The following MDGA2 variants were observed in gnomAD, a reference collection of about 807,000 sequenced individuals.
MDGA2 encodes MAM domain-containing glycosylphosphatidylinositol anchor protein 2.
A neutral mutation model predicts 117.8 loss-of-function variants in MDGA2; 40 were observed. The ratio of observed to expected loss-of-function variants is 0.34; its 90% CI spans 0.26 to 0.44. MDGA2 has a LOEUF of 0.44. Ranked by LOEUF, MDGA2 falls within the 20% of genes least tolerant of loss-of-function variation. The probability of loss-of-function intolerance (pLI) is 1.00; values close to 1 mark genes in which losing one functional copy is unlikely to be tolerated. For missense variants in MDGA2, 1,123 were observed against 1,250.6 expected, an observed-to-expected ratio of 0.90 and a Z score of 1.54; for synonymous variants, 452 against 439.0, an observed-to-expected ratio of 1.03 and a Z score of -0.37.
chr14:47,359,171 C>T (rs773944463), intron 1 of MDGA2, among the ~76,000 whole-genome samples: 3 of 152,056 alleles, frequency 2.0e-5, no homozygotes, highest in Admixed American at 6.6e-5. Flanking sequence ...CTAGCCAACA[C>T]GGTGAAACCC....
chr14:46,983,016 A>G (rs910902653), intron 8 of MDGA2, among the ~76,000 whole-genome samples: 2 of 152,118 alleles, frequency 1.3e-5, no homozygotes, highest in African/African-American at 4.8e-5. Flanking sequence ...TTTAGCATGA[A>G]GGGTTGTTGA....
chr14:47,336,117 C>T (rs946365702), intron 1 of MDGA2, among the ~76,000 whole-genome samples: 1 of 151,720 alleles, frequency 6.6e-6, no homozygotes, highest in African/African-American at 2.4e-5. Context: ...CTAACTCATA[C>T]AAGAAAAAGT....
At chr14:47,650,311 A>G (rs944963487) in intron 1 of MDGA2, among the ~76,000 whole-genome samples, 1 of 152,154 alleles carries the variant, frequency 6.6e-6, no homozygotes, top group Non-Finnish European at 1.5e-5. Flanking sequence ...ATCAGCCCCC[A>G]TAATCATGTG....
At chr14:46,873,801 A>G in intron 13 of MDGA2, 1 of 583,118 alleles carries the variant, frequency 1.7e-6, no homozygotes, top group Non-Finnish European at 2.7e-6. Flanking sequence ...AAAATGTATA[A>G]AAAGTTGAAA....
intron 2 of MDGA2, among the ~76,000 whole-genome samples, chr14:47,267,615 T>G (rs1479142974): frequency 6.6e-6 from 1 of 152,192 alleles, no homozygotes; most frequent in African/African-American, 2.4e-5. Context: ...TATGCATATC[T>G]GAACAATATC....
At chr14:47,375,201 G>GA (rs34274638) in intron 1 of MDGA2, among the ~76,000 whole-genome samples, 37,626 of 143,468 alleles carry the variant, frequency 0.26, 4,841 homozygotes, top group South Asian at 0.42. Flanking sequence ...TGCCTCTTAG[G>GA]AAAAAAAAAA....
intron 8 of MDGA2, among the ~76,000 whole-genome samples, chr14:47,016,273 A>T (rs12879334): frequency 6.6e-6 from 1 of 152,064 alleles, no homozygotes; most frequent in South Asian, 2.1e-4. Context: ...TGCTCTGAAG[A>T]GTAACAGTAA....
intron 3 of MDGA2, among the ~76,000 whole-genome samples, chr14:47,212,265 C>T (rs1328161340): frequency 6.6e-6 from 1 of 152,006 alleles, no homozygotes; most frequent in Non-Finnish European, 1.5e-5. Flanking sequence ...AAAGGAATGC[C>T]AATTCTTATG....
chr14:47,369,595 G>T (rs1190136166), intron 1 of MDGA2, among the ~76,000 whole-genome samples: 1 of 152,022 alleles, frequency 6.6e-6, no homozygotes, highest in Non-Finnish European at 1.5e-5. Flanking sequence ...CCAACAAAAA[G>T]ATGTTCTCAT....
At chr14:47,242,688 T>A (rs533702692) in intron 2 of MDGA2, among the ~76,000 whole-genome samples, 2 of 151,818 alleles carry the variant, frequency 1.3e-5, no homozygotes, top group South Asian at 4.2e-4. Context: ...CGCAGGGCAG[T>A]GCTCGGGACC....
intron 1 of MDGA2, among the ~76,000 whole-genome samples, chr14:47,652,829 T>A (rs1260542367): frequency 6.6e-6 from 1 of 152,144 alleles, no homozygotes; most frequent in African/African-American, 2.4e-5. Context: ...AACATATCAC[T>A]TTTAATTTTT....
At chr14:46,857,984 T>C (rs1050042383) in intron 14 of MDGA2, among the ~76,000 whole-genome samples, 22 of 152,110 alleles carry the variant, frequency 1.4e-4, no homozygotes, top group African/African-American at 5.3e-4. Context: ...TTCTGCCACA[T>C]GTCTCTTTCC....
At chr14:47,312,294 T>C (rs1889660512) in intron 1 of MDGA2, among the ~76,000 whole-genome samples, 1 of 152,114 alleles carries the variant, frequency 6.6e-6, no homozygotes, top group South Asian at 2.1e-4. Context: ...CCTTCTTATA[T>C]CTGCCATCTT....
intron 1 of MDGA2, among the ~76,000 whole-genome samples, chr14:47,472,103 A>AG (rs1182974191): frequency 6.6e-6 from 1 of 152,218 alleles, no homozygotes; most frequent in African/African-American, 2.4e-5. Context: ...AGAAAAAGGG[A>AG]GAAAAAGTAT....
At chr14:47,147,864 G>A (rs910294536) in intron 3 of MDGA2, among the ~76,000 whole-genome samples, 2 of 152,008 alleles carry the variant, frequency 1.3e-5, no homozygotes, top group Admixed American at 6.6e-5. Context: ...CTCACCCTGC[G>A]CTAGTACATT....
chr14:46,841,888 G>T lies in MDGA2; in HGVS notation c.*43C>A. ...CCATTTACAAAGACTCTTTCTTCAT[G>T]CCAGTGCCTGGTGAATCTTTTATAG... On this transcript the variant is annotated 3_prime_UTR_variant, in exon 17 of 17. Coordinates refer to ENST00000399232, the MANE Select transcript of MDGA2 (RefSeq NM_001113498.3). 1 of 1,302,102 alleles carries T rather than the reference G, an allele frequency of 7.7e-7. No individual in the cohort carries two copies. Among genetic ancestry groups the T allele is most frequent in the Non-Finnish European group, 1.1e-6 (1 of 912,454 alleles). The allele number at this position is 1,302,102 out of a possible 1,614,324, so 80.7% of individuals were successfully genotyped here.
chr14:47,642,290 G>A (rs1897441742), intron 1 of MDGA2, among the ~76,000 whole-genome samples: 2 of 152,016 alleles, frequency 1.3e-5, no homozygotes, highest in Non-Finnish European at 2.9e-5. Context: ...AACTGAATCA[G>A]TATTCCCAAG....
intron 15 of MDGA2, among the ~76,000 whole-genome samples, chr14:46,850,213 T>C (rs1222926168): frequency 6.6e-6 from 1 of 151,904 alleles, no homozygotes; most frequent in Non-Finnish European, 1.5e-5. Context: ...GTTTCATTAA[T>C]TGACAGTTTC....
intron 1 of MDGA2, among the ~76,000 whole-genome samples, chr14:47,318,543 T>G (rs1488407208): frequency 6.6e-6 from 1 of 152,156 alleles, no homozygotes; most frequent in Non-Finnish European, 1.5e-5. Flanking sequence ...CTTAACGTGA[T>G]ACAGTTTTAC....
Sources: allele counts gnomAD v4.1 joint callset (sites outside exome capture counted in the v4.1 genomes callset), GRCh38; gene constraint gnomAD v4.1.1; transcripts MANE v1.5; gene names NCBI Gene and HGNC (gene_info 2026-07-23, HGNC 2026-07-21).